Variants in BCL7C observed in about 807,000 individuals in gnomAD.
BCL7C encodes BAF chromatin remodeling complex subunit BCL7C.
Under a neutral mutation model 26.2 loss-of-function variants are expected in BCL7C, and 8 were observed. The ratio of observed to expected loss-of-function variants is 0.30; its 90% confidence interval spans 0.18 to 0.55. The LOEUF is 0.55. Among genes scored for constraint, BCL7C ranks in the 20% least tolerant of loss-of-function variants. The probability of loss-of-function intolerance (pLI) is 0.93; values close to 1 mark genes in which losing one functional copy is unlikely to be tolerated. For synonymous variants in BCL7C, 90 were observed against 116.5 expected (o/e 0.77, Z 1.47); for missense variants, 262 against 298.5 (o/e 0.88, Z 0.90).
chr16:30,887,945 C>G lies in BCL7C; in HGVS notation c.574G>C (p.Glu192Gln), dbSNP rs2055160902. The change falls in exon 6 of 6, where the codon GAG becomes CAG. Residue 192 changes from glutamate (E) to glutamine (Q), a missense_variant. Glu to Gln is a conservative substitution (Grantham distance 29). Coordinates refer to ENST00000215115, the MANE Select transcript of BCL7C (RefSeq NM_004765.4). ...PVFEPVPPVP[E>Q]AAQGDTEDSE... ...TCCTCTGTGTCACCCTGGGCTGCCTCAGGGACAGGTGGCACTGGCTCAAAG... is the reference window on the plus strand; with the variant it reads ...TCCTCTGTGTCACCCTGGGCTGCCTGAGGGACAGGTGGCACTGGCTCAAAG... 1.2e-6 allele frequency: 2 copies of G among 1,606,816 alleles called. No homozygotes were observed. The highest frequency in any genetic ancestry group is 1.7e-6 in the Non-Finnish European group (2 of 1,176,966).
rs924901646 is a variant in BCL7C at position 30,834,764 on chromosome 16, G to A, written c.*184C>T. ...CTAAGCCCTTCCCATGCATTCGGGC[G>A]CCAGTGGCGAGCCAGATGGGTGCTG... On this transcript the variant is annotated 3_prime_UTR_variant, in exon 6 of 6. Transcript: ENST00000380317. The surrounding 1 kb of genome is among the most constrained non-coding windows in gnomAD (Gnocchi z 4.3). The A allele has an allele frequency of 2.3e-5, 13 of 572,220 alleles. No individual in the cohort carries two copies. The highest frequency in any genetic ancestry group is 1.7e-4 in the African/African-American group (9 of 52,658). 35.4% of individuals were successfully genotyped at this position (572,220 alleles called of 1,614,324 possible).
intron 5 of BCL7C, among the ~76,000 whole-genome samples, chr16:30,868,003 T>C (rs1168577793): frequency 6.6e-6 from 1 of 152,048 alleles, no homozygotes; most frequent in Non-Finnish European, 1.5e-5. Flanking sequence ...TTTGATTTCA[T>C]TTATTTATTA....
intron 5 of BCL7C, among the ~76,000 whole-genome samples, chr16:30,847,390 T>A (rs986337721): frequency 4.6e-5 from 7 of 152,210 alleles, no homozygotes; most frequent in Non-Finnish European, 8.8e-5. Context: ...CTCACTTTCC[T>A]GTCTGAAAAG....
chr16:30,856,315 C>G (rs1287914011), intron 5 of BCL7C, among the ~76,000 whole-genome samples: 1 of 151,554 alleles, frequency 6.6e-6, no homozygotes, highest in Non-Finnish European at 1.5e-5. Flanking sequence ...GTGGCGGGCA[C>G]CTGTAGTCCC....
intron 5 of BCL7C, chr16:30,851,431 G>C (rs2054673692): frequency 1.0e-5 from 2 of 199,098 alleles, no homozygotes; most frequent in Admixed American, 1.1e-4. Context: ...AGTAGAGACA[G>C]GTTTCACCAT....
chr16:30,842,521 G>A (rs1035896980), intron 5 of BCL7C, among the ~76,000 whole-genome samples: 1 of 152,140 alleles, frequency 6.6e-6, no homozygotes, highest in Non-Finnish European at 1.5e-5. Flanking sequence ...CCATCTAAGG[G>A]ACTCAGAAAC....
intron 5 of BCL7C, chr16:30,875,445 A>G (rs2054933781): frequency 6.6e-6 from 1 of 152,316 alleles, no homozygotes. Flanking sequence ...ACCCTTCCCA[A>G]GGCTGCGCCG....
At position 30,890,177 on chromosome 16, in the gene BCL7C, C is replaced by G. The variant is rs182812851; in HGVS notation, c.443-1232G>C. On this transcript the variant is annotated intron_variant, in intron 4 of 5. Transcript: ENST00000215115. ...TTGGGAGGCCGAGGCAGGTGGATCA[C>G]GAGGTCAGGAGTTCAAGACCATCCT... Among the ~76,000 whole-genome samples, 1,336 of 151,072 alleles carry G rather than the reference C, an allele frequency of 8.8e-3. 9 individuals carry two copies. The highest frequency in any genetic ancestry group is 0.013 in the Non-Finnish European group (875 of 67,706).
chr16:30,841,770 A>G (rs1027796235), intron 5 of BCL7C, among the ~76,000 whole-genome samples: 3 of 151,940 alleles, frequency 2.0e-5, no homozygotes, highest in Non-Finnish European at 4.4e-5. Context: ...CCTGGCTAAC[A>G]TGGTGAAACC....
At chr16:30,885,548 C>T (rs565623014), downstream of BCL7C, among the ~76,000 whole-genome samples, 34 of 151,906 alleles carry the variant, frequency 2.2e-4, no homozygotes, top group African/African-American at 7.5e-4. Context: ...GGATTACAGG[C>T]GCCCGCCACT....
downstream of BCL7C, among the ~76,000 whole-genome samples, chr16:30,884,317 G>A (rs2055092533): frequency 6.6e-6 from 1 of 151,840 alleles, no homozygotes; most frequent in Non-Finnish European, 1.5e-5. Flanking sequence ...CCAGCCTCAG[G>A]GACAGGAGAG....
At chr16:30,872,837 C>T (rs1459335928) in intron 5 of BCL7C, among the ~76,000 whole-genome samples, 1 of 152,190 alleles carries the variant, frequency 6.6e-6, no homozygotes, top group Admixed American at 6.5e-5. Flanking sequence ...CTTCTCTGAA[C>T]CTGTTTCTTC....
chr16:30,851,317 C>T (rs1035088916), intron 5 of BCL7C: 10 of 200,256 alleles, frequency 5.0e-5, no homozygotes, highest in South Asian at 2.6e-4. Context: ...CTTGGCTCAT[C>T]GCAACCTCCA....
intron 5 of BCL7C, among the ~76,000 whole-genome samples, chr16:30,868,337 C>T (rs1362296033): frequency 1.4e-5 from 2 of 147,462 alleles, no homozygotes. Context: ...CAGGGTTTCA[C>T]CATGTTAGCC....
chr16:30,842,014 CT>C (rs58944180), intron 5 of BCL7C, among the ~76,000 whole-genome samples: 142,013 of 146,226 alleles, frequency 0.97, 69,100 homozygotes, highest in Middle Eastern at 1. Flanking sequence ...AAGGTGCCCC[CT>C]GACCCCTTCT....
chr16:30,861,840 C>A (rs907381875), intron 5 of BCL7C, among the ~76,000 whole-genome samples: 1 of 149,748 alleles, frequency 6.7e-6, no homozygotes, highest in African/African-American at 2.5e-5. Flanking sequence ...AATTCTGGTG[C>A]CAACTTGGAC....
At chr16:30,886,063 C>T (rs531174277), downstream of BCL7C, among the ~76,000 whole-genome samples, 1 of 152,240 alleles carries the variant, frequency 6.6e-6, no homozygotes, top group East Asian at 1.9e-4. Context: ...TGGTCTCAAA[C>T]TCCTGGCCTC....
Position 30,893,714 on chromosome 16 carries a change from A to G in BCL7C, c.92+139T>C. On this transcript the variant is annotated intron_variant, in intron 1 of 5. Coordinates refer to ENST00000215115, the MANE Select transcript of BCL7C (RefSeq NM_004765.4). The surrounding 1 kb of genome is among the most constrained non-coding windows in gnomAD (Gnocchi z 5.2). The stretch of plus-strand genomic sequence containing the variant: ...GGAGTAGCCAGGCGAACGGGGACAG[A>G]GCCCTGTGGATCCAGGGCAAAGCTA... 1.4e-6 allele frequency: 1 copy of G among 713,538 alleles called. No individual in the cohort carries two copies. Among genetic ancestry groups the G allele is most frequent in the Non-Finnish European group, 2.4e-6 (1 of 417,236 alleles). 44.2% of individuals were successfully genotyped at this position (713,538 alleles called of 1,614,324 possible).
At chr16:30,891,233 CG>C (rs2055226969) in intron 4 of BCL7C, among the ~76,000 whole-genome samples, 1 of 150,248 alleles carries the variant, frequency 6.7e-6, no homozygotes, top group South Asian at 2.1e-4. Context: ...GAGGCCAAGG[CG>C]GGCAGATCAC....
Sources: gnomAD v4.1 joint callset for allele counts (sites outside exome capture counted in the v4.1 genomes callset) on GRCh38, gnomAD v4.1.1 for gene constraint, Gnocchi (gnomAD v3.1) non-coding constraint, MANE v1.5 for transcripts, NCBI Gene and HGNC (gene_info 2026-07-23, HGNC 2026-07-21) for gene names.